Variants in MYO18B observed in about 807,000 individuals in gnomAD.
MYO18B encodes the protein myosin XVIIIB, also known as unconventional myosin-XVIIIb.
A neutral mutation model predicts 273.0 loss-of-function variants in MYO18B; 204 were observed. That is an observed-to-expected ratio of 0.75 (90% CI 0.67 to 0.84). The LOEUF is 0.84. Ranked by LOEUF, MYO18B falls within the 40% of genes least tolerant of loss-of-function variation. MYO18B has a pLI of 0.00. For synonymous variants in MYO18B, 1,330 were observed against 1,305.7 expected, an observed-to-expected ratio of 1.02 and a Z score of -0.40; for missense variants, 3,212 against 3,287.6, an observed-to-expected ratio of 0.98 and a Z score of 0.56.
intron 39 of MYO18B, among the ~76,000 whole-genome samples, chr22:25,991,004 C>T (rs6004879): frequency 0.61 from 93,295 of 152,064 alleles, 30,416 homozygotes; most frequent in African/African-American, 0.81. Context: ...TTTGCATAGA[C>T]TTGAGCATGA....
intron 21 of MYO18B, among the ~76,000 whole-genome samples, chr22:25,854,458 C>T (rs969555673): frequency 1.3e-5 from 2 of 152,092 alleles, no homozygotes; most frequent in African/African-American, 2.4e-5. Flanking sequence ...GGGATTTGAA[C>T]TCAGGCTCTC....
At chr22:26,039,911 A>G in the MYO18B span, among the ~76,000 whole-genome samples, 1 of 151,844 alleles carries the variant, frequency 6.6e-6, no homozygotes, top group African/African-American at 2.4e-5. Flanking sequence ...TGCAGCCTCG[A>G]CCTCCCGGGC....
intron 36 of MYO18B, among the ~76,000 whole-genome samples, chr22:25,949,249 G>C (rs1183378331): frequency 1.3e-5 from 2 of 152,188 alleles, no homozygotes; most frequent in African/African-American, 2.4e-5. Flanking sequence ...AGCCAAGAAG[G>C]GTGTCTGCCC....
chr22:26,017,928 G>T (rs1021452124), intron 42 of MYO18B, among the ~76,000 whole-genome samples: 2 of 145,522 alleles, frequency 1.4e-5, no homozygotes, highest in Non-Finnish European at 1.5e-5. Flanking sequence ...AAATGAGAAC[G>T]ATCCCCTTAT....
intron 29 of MYO18B, chr22:25,899,482 G>A (rs1427391565): frequency 6.6e-6 from 1 of 152,174 alleles, no homozygotes; most frequent in African/African-American, 2.4e-5. Context: ...AAGTAGGAAG[G>A]AGAATTATAT....
the MYO18B span, among the ~76,000 whole-genome samples, chr22:26,041,531 C>G: frequency 6.6e-6 from 1 of 151,884 alleles, no homozygotes; most frequent in Non-Finnish European, 1.5e-5. Context: ...GGCTCTATCT[C>G]AAAAATAATA....
At chr22:25,940,489 T>C (rs902720595) in intron 34 of MYO18B, among the ~76,000 whole-genome samples, 4 of 152,192 alleles carry the variant, frequency 2.6e-5, no homozygotes, top group Non-Finnish European at 5.9e-5. Context: ...GAGAACAGAC[T>C]AATACGCATG....
chr22:25,982,284 A>G (rs1436627163), intron 39 of MYO18B, among the ~76,000 whole-genome samples: 1 of 152,140 alleles, frequency 6.6e-6, no homozygotes, highest in African/African-American at 2.4e-5. Flanking sequence ...GCCAACAGCT[A>G]GTGAGGAAGT....
chr22:25,889,802 C>CAGG (rs1455765045), intron 25 of MYO18B, among the ~76,000 whole-genome samples: 1 of 152,102 alleles, frequency 6.6e-6, no homozygotes, highest in Non-Finnish European at 1.5e-5. Context: ...AAAACCAGTG[C>CAGG]AGGTGGGAAT....
intron 22 of MYO18B, among the ~76,000 whole-genome samples, chr22:25,873,273 A>G (rs1172578219): frequency 6.6e-6 from 1 of 152,058 alleles, no homozygotes; most frequent in Non-Finnish European, 1.5e-5. Context: ...ATCATCCATT[A>G]TTGATGAGTT....
At chr22:25,936,633 T>TA (rs1266681449) in intron 34 of MYO18B, among the ~76,000 whole-genome samples, 4 of 152,286 alleles carry the variant, frequency 2.6e-5, no homozygotes, top group African/African-American at 7.2e-5. Flanking sequence ...CAGGCTGCCA[T>TA]AAAAAAATAC....
At chr22:25,791,130 A>G (rs1270900405) in intron 11 of MYO18B, among the ~76,000 whole-genome samples, 1 of 150,640 alleles carries the variant, frequency 6.6e-6, no homozygotes, top group Admixed American at 6.7e-5. Context: ...ATGGGCTGCC[A>G]TGTCTACATC....
chr22:25,937,582 A>ATCCTTTT (rs1569211217), intron 34 of MYO18B, among the ~76,000 whole-genome samples: 3 of 144,300 alleles, frequency 2.1e-5, no homozygotes, highest in Non-Finnish European at 4.5e-5. Context: ...CTGGCCTGAC[A>ATCCTTTT]TTCTTTTTTT....
chr22:26,028,950 TCAGA>T (rs887228746), intron 43 of MYO18B, among the ~76,000 whole-genome samples: 5 of 149,866 alleles, frequency 3.3e-5, no homozygotes, highest in Admixed American at 3.3e-4. Context: ...AGAGGACACA[TCAGA>T]CAGTCATTTA....
intron 7 of MYO18B, among the ~76,000 whole-genome samples, chr22:25,775,029 AG>A (rs2145625071): frequency 6.6e-6 from 1 of 152,384 alleles, no homozygotes; most frequent in Admixed American, 6.5e-5. Context: ...GAGGGCCTTC[AG>A]GAACCTGGAT....
At chr22:25,835,996 G>A (rs2089887096) in intron 17 of MYO18B, among the ~76,000 whole-genome samples, 2 of 152,226 alleles carry the variant, frequency 1.3e-5, no homozygotes, top group Admixed American at 1.3e-4. Context: ...AGGTTGTAGT[G>A]TGAAGATATG....
the MYO18B span, among the ~76,000 whole-genome samples, chr22:26,063,812 T>C: frequency 6.6e-6 from 1 of 152,206 alleles, no homozygotes; most frequent in East Asian, 1.9e-4. Flanking sequence ...GAACTAAAAA[T>C]AGTGTGATAG....
intron 12 of MYO18B, among the ~76,000 whole-genome samples, chr22:25,805,440 G>A (rs2088425642): frequency 6.6e-6 from 1 of 152,164 alleles, no homozygotes; most frequent in South Asian, 2.1e-4. Context: ...ATTTATTCTT[G>A]GAGCCTCAGC....
In MYO18B at chr22:26,026,775, G is replaced by T; in HGVS notation, c.6801G>T (p.Gly2267=). 1 of 1,608,280 alleles carries T rather than the reference G, an allele frequency of 6.2e-7. No individual in the cohort carries two copies. Among genetic ancestry groups the T allele is most frequent in the Non-Finnish European group, 8.5e-7 (1 of 1,177,400 alleles). Residue 2267 remains glycine (G), a synonymous_variant, in exon 43 of 44, where the codon GGG becomes GGT. Coordinates refer to ENST00000335473, the MANE Select transcript of MYO18B (RefSeq NM_032608.7). ...GGAAGAGAGCCCAGAGAGGCCAGGG[G>T]TCCACGCTGGGCCTAGAGGACTGGC... ...LRRKRAQRGQ[G]STLGLEDWPT...
Sources: gnomAD v4.1 joint callset for allele counts (sites outside exome capture counted in the v4.1 genomes callset) on GRCh38, gnomAD v4.1.1 for gene constraint, MANE v1.5 for transcripts, NCBI Gene and HGNC (gene_info 2026-07-23, HGNC 2026-07-21) for gene names.